Variants in PSMA8 observed in about 807,000 individuals in gnomAD.
PSMA8 encodes proteasome 20S subunit alpha 8.
In PSMA8, 18 loss-of-function variants were observed where a neutral mutation model predicts 32.4. That is an observed-to-expected ratio of 0.56 (90% confidence interval 0.38 to 0.82). PSMA8 has a LOEUF of 0.82. Ranked by LOEUF, PSMA8 falls within the 40% of genes least tolerant of loss-of-function variation. The pLI is 0.00. For missense variants in PSMA8, 298 were observed against 300.7 expected, an observed-to-expected ratio of 0.99 and a Z score of 0.07; for synonymous variants, 104 against 98.1, an observed-to-expected ratio of 1.06 and a Z score of -0.36.
chr18:26,143,909 A>G (rs2144277278), intron 1 of PSMA8, among the ~76,000 whole-genome samples: 1 of 151,984 alleles, frequency 6.6e-6, no homozygotes, highest in Non-Finnish European at 1.5e-5. Context: ...TTTAGTAGAG[A>G]CGGGGTTTCA....
At chr18:26,158,827 G>C (rs1170091875) in intron 4 of PSMA8, among the ~76,000 whole-genome samples, 2 of 152,146 alleles carry the variant, frequency 1.3e-5, no homozygotes, top group Non-Finnish European at 2.9e-5. Context: ...ATAGGGCTCA[G>C]CCAGGCACGG....
At chr18:26,191,884 G>A (rs536640155) in intron 6 of PSMA8, among the ~76,000 whole-genome samples, 3 of 152,272 alleles carry the variant, frequency 2.0e-5, no homozygotes, top group Admixed American at 2.0e-4. Flanking sequence ...TAGACATAAA[G>A]TAGCATAAAT....
At chr18:26,174,636 T>C (rs527375631) in intron 4 of PSMA8, among the ~76,000 whole-genome samples, 1 of 152,284 alleles carries the variant, frequency 6.6e-6, no homozygotes, top group South Asian at 2.1e-4. Flanking sequence ...TGTTAATGAT[T>C]AAGGGGCATG....
chr18:26,150,563 C>T (rs905839997), intron 2 of PSMA8, among the ~76,000 whole-genome samples: 2 of 152,120 alleles, frequency 1.3e-5, no homozygotes, highest in Admixed American at 1.3e-4. Context: ...TAGTCGCAAA[C>T]ACCTGGCTTC....
chr18:26,161,582 A>G (rs1461994470), intron 4 of PSMA8, among the ~76,000 whole-genome samples: 1 of 152,218 alleles, frequency 6.6e-6, no homozygotes, highest in Non-Finnish European at 1.5e-5. Context: ...TGGTGAAGAA[A>G]GCTATTCAGG....
Position 26,192,609 on chromosome 18 carries a change from G to C in PSMA8, c.*198G>C, listed in dbSNP as rs2069310. On this transcript the variant is annotated 3_prime_UTR_variant, in exon 7 of 7. Transcript: ENST00000415576. ...ATAGGTTTATGTGAAGATTTTCTTT[G>C]AAAGGGGATTTCAGTAATTGTTGAG... The C allele has an allele frequency of 0.067, 31,168 of 466,808 alleles. 1,776 individuals carry two copies. Among genetic ancestry groups the C allele is most frequent in the African/African-American group, 0.18 (8,943 of 49,246 alleles). 28.9% of individuals were successfully genotyped at this position (466,808 alleles called of 1,614,324 possible).
rs183104995 is a variant in PSMA8 at position 26,150,286 on chromosome 18, T to C, written c.230-1572T>C. Among the ~76,000 whole-genome samples the C allele has an allele frequency of 5.1e-4, 77 of 152,328 alleles. 1 individual carries two copies. Among genetic ancestry groups the C allele is most frequent in the Middle Eastern group, 6.8e-3 (2 of 294 alleles). On this transcript the variant is annotated intron_variant, in intron 2 of 6. Coordinates refer to ENST00000415576, the MANE Select transcript of PSMA8 (RefSeq NM_001025096.2). Reference sequence around the variant, plus strand: ...ATACTCATTTTTTTCTGTAGATTGTTTATTTTTAAGCAAAGTGAAATTGTA... The same window carrying C: ...ATACTCATTTTTTTCTGTAGATTGTCTATTTTTAAGCAAAGTGAAATTGTA...
chr18:26,191,766 T>C (rs2055404988), intron 6 of PSMA8, among the ~76,000 whole-genome samples: 2 of 152,170 alleles, frequency 1.3e-5, no homozygotes, highest in South Asian at 4.1e-4. Flanking sequence ...ATAATTGCTG[T>C]CTTATAGCCG....
At chr18:26,171,921 A>G (rs1039376597) in intron 4 of PSMA8, among the ~76,000 whole-genome samples, 3 of 152,194 alleles carry the variant, frequency 2.0e-5, no homozygotes, top group African/African-American at 7.2e-5. Flanking sequence ...GTATCAGCAT[A>G]TTTGCATAGA....
chr18:26,188,164 T>G (rs1456135678), intron 6 of PSMA8, among the ~76,000 whole-genome samples: 1 of 151,836 alleles, frequency 6.6e-6, no homozygotes, highest in Non-Finnish European at 1.5e-5. Flanking sequence ...ACATGGAAAT[T>G]AAACAATATG....
At chr18:26,190,442 A>G (rs1244672716) in intron 6 of PSMA8, among the ~76,000 whole-genome samples, 1 of 152,194 alleles carries the variant, frequency 6.6e-6, no homozygotes, top group Non-Finnish European at 1.5e-5. Context: ...AAAATTAAAA[A>G]TAATTTTTTG....
chr18:26,184,674 T>C (rs1044446854), intron 6 of PSMA8, among the ~76,000 whole-genome samples: 2 of 147,702 alleles, frequency 1.4e-5, no homozygotes, highest in African/African-American at 5.1e-5. Flanking sequence ...CTCAGGAGGC[T>C]GAGGCAGGAG....
In PSMA8 at chr18:26,169,798, G is replaced by A. The variant is rs1434521616; in HGVS notation, c.478-9032G>A. Among the ~76,000 whole-genome samples, 7 of 125,016 alleles carry A rather than the reference G, an allele frequency of 5.6e-5. 3 individuals are homozygous for A. Among genetic ancestry groups the A allele is most frequent in the African/African-American group, 3.3e-4 (7 of 21,240 alleles). The allele number at this position is 125,016 out of a possible 152,430, so 82.0% of individuals were successfully genotyped here. ...AAGGCGGAGGTTGCAGTAAGCCGAG[G>A]TCACACCATTGCATGCTAGCCTGGG... On this transcript the variant is annotated intron_variant, in intron 4 of 6. Transcript: ENST00000415576.
intron 6 of PSMA8, among the ~76,000 whole-genome samples, chr18:26,181,270 G>A (rs2055308835): frequency 6.6e-6 from 1 of 152,098 alleles, no homozygotes; most frequent in Non-Finnish European, 1.5e-5. Context: ...ATATTACTGT[G>A]CTAATTGTTT....
chr18:26,142,791 C>T (rs1191206802), intron 1 of PSMA8, among the ~76,000 whole-genome samples: 1 of 152,180 alleles, frequency 6.6e-6, no homozygotes, highest in Non-Finnish European at 1.5e-5. Context: ...AACAAGCTCT[C>T]TTAGGCCTCT....
intron 1 of PSMA8, among the ~76,000 whole-genome samples, chr18:26,134,270 C>T (rs2054890331): frequency 2.0e-5 from 3 of 151,804 alleles, no homozygotes; most frequent in African/African-American, 7.3e-5. Context: ...TAGTAGATTT[C>T]CCCTATCTCT....
rs1157697417 is a variant in PSMA8, at chr18:26,192,367, GA to G, written c.713del (p.Lys238ArgfsTer16). On this transcript the variant is annotated frameshift_variant, in exon 7 of 7. Coordinates refer to ENST00000415576, the MANE Select transcript of PSMA8 (RefSeq NM_001025096.2). LOFTEE classifies it high-confidence loss of function. ...ATTATATGTAACTGAAATAGAAAAG[GA>G]AAAGGAAGAAGCAGAGAAGAAAAAA... ...VELYVTEIEK[E>X]KEEAEKKKSK... 4 of 1,522,284 alleles carry G rather than the reference GA, an allele frequency of 2.6e-6. No homozygotes were observed. The highest frequency in any genetic ancestry group is 2.7e-5 in the South Asian group (2 of 73,240). The allele number at this position is 1,522,284 out of a possible 1,614,324, so 94.3% of individuals were successfully genotyped here. A position where few individuals can be genotyped will look rare whatever the true frequency, so the allele number is the denominator to read the frequency against.
At chr18:26,185,134 T>C (rs189134843) in intron 6 of PSMA8, among the ~76,000 whole-genome samples, 2 of 146,350 alleles carry the variant, frequency 1.4e-5, no homozygotes, top group Non-Finnish European at 3.0e-5. Flanking sequence ...CATTTGAAAA[T>C]TGTTTCTACT....
intron 4 of PSMA8, among the ~76,000 whole-genome samples, chr18:26,166,035 G>A (rs1793578766): frequency 6.6e-6 from 1 of 152,148 alleles, no homozygotes. Context: ...CCAGGAGGCA[G>A]AGGTTGCAGT....
Sources: allele counts gnomAD v4.1 joint callset (sites outside exome capture counted in the v4.1 genomes callset), GRCh38; gene constraint gnomAD v4.1.1; transcripts MANE v1.5; gene names NCBI Gene and HGNC (gene_info 2026-07-23, HGNC 2026-07-21).